MYO1B: variants seen among roughly 807,000 people sequenced by gnomAD.
The protein encoded by MYO1B is myosin IB, also known as unconventional myosin-Ib.
In MYO1B, 72 loss-of-function variants were observed where a neutral mutation model predicts 159.7. The ratio of observed to expected loss-of-function variants is 0.45; its 90% confidence interval spans 0.37 to 0.55. MYO1B has a LOEUF of 0.55. Among genes scored for constraint, MYO1B ranks in the 20% least tolerant of loss-of-function variants. The pLI is 0.00. For missense variants in MYO1B, 1,062 were observed against 1,364.8 expected, an observed-to-expected ratio of 0.78 and a Z score of 3.50; for synonymous variants, 468 against 473.8, an observed-to-expected ratio of 0.99 and a Z score of 0.16.
In MYO1B at chr2:191,400,790, T is replaced by A; in HGVS notation, c.2424T>A (p.Asn808Lys). Residue 808 changes from asparagine to lysine, a missense_variant, in exon 23 of 31, where the codon AAT becomes AAA. Physicochemically the swap from Asn to Lys is moderately conservative, Grantham distance 94 (BLOSUM62 0). Around this residue, in one of 5 missense-constraint regions of MYO1B, gnomAD observed 609 missense variants for 744.4 expected, o/e 0.82. Coordinates refer to ENST00000392318, the MANE Select transcript of MYO1B (RefSeq NM_001130158.3). Reference sequence around the variant, plus strand: ...GACGGCTGAAGGAGGAGGCTAGGAATAAACATGCTATTGCAGTTATTTGGG... The same window carrying A: ...GACGGCTGAAGGAGGAGGCTAGGAAAAAACATGCTATTGCAGTTATTTGGG... ...ELRRLKEEAR[N>K]KHAIAVIWAY... 6.2e-7 allele frequency: 1 copy of A among 1,614,056 alleles called. No individual in the cohort carries two copies. The highest frequency in any genetic ancestry group is 8.5e-7 in the Non-Finnish European group (1 of 1,179,896).
At chr2:191,418,764 C>G (rs1697742219) in intron 30 of MYO1B, among the ~76,000 whole-genome samples, 1 of 152,144 alleles carries the variant, frequency 6.6e-6, no homozygotes, top group Non-Finnish European at 1.5e-5. Flanking sequence ...GCTGGGATTA[C>G]AGGCGTGAGC....
intron 3 of MYO1B, among the ~76,000 whole-genome samples, chr2:191,311,042 C>G (rs925038725): frequency 2.0e-5 from 3 of 152,150 alleles, no homozygotes; most frequent in African/African-American, 7.2e-5. Flanking sequence ...TTTATTAACT[C>G]TTACGAAACC....
At chr2:191,297,448 G>A (rs1689051733) in intron 3 of MYO1B, among the ~76,000 whole-genome samples, 1 of 152,326 alleles carries the variant, frequency 6.6e-6, no homozygotes, top group South Asian at 2.1e-4. Context: ...ATGCAAAAGT[G>A]CCTTGGAAGG....
At chr2:191,325,982 C>T (rs1340888910) in intron 3 of MYO1B, among the ~76,000 whole-genome samples, 3 of 152,122 alleles carry the variant, frequency 2.0e-5, no homozygotes, top group African/African-American at 7.2e-5. Context: ...GGGAGATGGC[C>T]TTTAAACATC....
chr2:191,334,227 C>G (rs950918495), intron 4 of MYO1B, among the ~76,000 whole-genome samples: 2 of 151,820 alleles, frequency 1.3e-5, no homozygotes, highest in Non-Finnish European at 2.9e-5. Context: ...TTCATCTCCT[C>G]TGGAACATGT....
chr2:191,394,987 A>AGT (rs1695981689), intron 20 of MYO1B, among the ~76,000 whole-genome samples: 2 of 152,238 alleles, frequency 1.3e-5, no homozygotes, highest in Non-Finnish European at 2.9e-5. Flanking sequence ...GCCAGTGGTT[A>AGT]AACTCATTAT....
At chr2:191,401,672 T>C (rs1385492485) in intron 23 of MYO1B, 3 of 152,208 alleles carry the variant, frequency 2.0e-5, no homozygotes, top group East Asian at 3.8e-4. Context: ...GCCTATCTTA[T>C]GAGAAAATGA....
chr2:191,350,158 G>A lies in MYO1B; in HGVS notation c.499-4G>A. ...AGAAAACTCACAAAATCTTTCTTTG[G>A]CAGGGCAAATATATGGATATTGAAT... On this transcript the variant is annotated splice_polypyrimidine_tract_variant and splice_region_variant and intron_variant, in intron 6 of 30. Coordinates refer to ENST00000392318, the MANE Select transcript of MYO1B (RefSeq NM_001130158.3). 6.2e-7 allele frequency: 1 copy of A among 1,612,196 alleles called. No homozygotes were observed. Among genetic ancestry groups the A allele is most frequent in the Middle Eastern group, 1.7e-4 (1 of 6,052 alleles).
At chr2:191,395,491 A>G (rs1696016022) in intron 20 of MYO1B, among the ~76,000 whole-genome samples, 1 of 152,250 alleles carries the variant, frequency 6.6e-6, no homozygotes, top group Non-Finnish European at 1.5e-5. Flanking sequence ...CACTTCTAAC[A>G]TGAGGGATTC....
intron 30 of MYO1B, among the ~76,000 whole-genome samples, chr2:191,418,482 A>ATTTTTTTTTTTTTTTTT (rs1159016855): frequency 3.7e-5 from 3 of 81,044 alleles, no homozygotes; most frequent in Non-Finnish European, 6.6e-5. Context: ...TCTTTAGTGG[A>ATTTTTTTTTTTTTTTTT]TTTTTTTTTT....
intron 1 of MYO1B, among the ~76,000 whole-genome samples, chr2:191,274,409 C>T (rs921900253): frequency 6.6e-6 from 1 of 152,162 alleles, no homozygotes; most frequent in African/African-American, 2.4e-5. Flanking sequence ...TTATTGTTAC[C>T]TGCAGGGAAG....
At chr2:191,326,401 T>G (rs1691069792) in intron 3 of MYO1B, among the ~76,000 whole-genome samples, 1 of 152,144 alleles carries the variant, frequency 6.6e-6, no homozygotes, top group East Asian at 1.9e-4. Context: ...CTTGTTTTTT[T>G]AAAGAAATTG....
intron 1 of MYO1B, among the ~76,000 whole-genome samples, chr2:191,257,332 G>T (rs1686512997): frequency 6.6e-6 from 1 of 152,190 alleles, no homozygotes; most frequent in South Asian, 2.1e-4. Context: ...TGGCTGCAAG[G>T]AAGGGAAGAT....
intron 1 of MYO1B, among the ~76,000 whole-genome samples, chr2:191,273,789 A>G (rs1303684611): frequency 1.3e-5 from 2 of 152,234 alleles, no homozygotes; most frequent in Non-Finnish European, 2.9e-5. Flanking sequence ...CTCTACATAC[A>G]TTCTCATTTA....
chr2:191,303,703 GAA>G (rs71030332), intron 3 of MYO1B, among the ~76,000 whole-genome samples: 4 of 149,720 alleles, frequency 2.7e-5, no homozygotes, highest in African/African-American at 7.4e-5. Flanking sequence ...AAGCTTTCAT[GAA>G]AAAAAAAAAT....
At chr2:191,248,956 T>C (rs1685954578) in intron 1 of MYO1B, among the ~76,000 whole-genome samples, 4 of 152,242 alleles carry the variant, frequency 2.6e-5, no homozygotes, top group African/African-American at 9.6e-5. Flanking sequence ...CTCTTAGAAC[T>C]GTATTGCTAA....
intron 9 of MYO1B, 58 bp from the exon 10 acceptor site, chr2:191,363,670 A>G (rs1231113823): frequency 1.7e-5 from 26 of 1,536,592 alleles, no homozygotes; most frequent in Non-Finnish European, 2.2e-5. Context: ...GATTCATTAA[A>G]AAAGAAAAGA....
At chr2:191,343,151 G>T (rs559090273) in intron 5 of MYO1B, among the ~76,000 whole-genome samples, 1 of 152,258 alleles carries the variant, frequency 6.6e-6, no homozygotes, top group African/African-American at 2.4e-5. Context: ...TGTCCCCTAG[G>T]GAGTCAGAAC....
In MYO1B at chr2:191,414,510, G is replaced by A; in HGVS notation, c.3007-7G>A. On this transcript the variant is annotated splice_polypyrimidine_tract_variant and splice_region_variant and intron_variant, in intron 28 of 30. Transcript: ENST00000392318. Reference sequence around the variant, plus strand: ...TTGGTTTTATACTATTTTTTATTTTGATTTAGAGTACATCTCGGATTTTCC... The same window carrying A: ...TTGGTTTTATACTATTTTTTATTTTAATTTAGAGTACATCTCGGATTTTCC... 6.3e-7 allele frequency: 1 copy of A among 1,596,880 alleles called. No homozygotes were observed. The highest frequency in any genetic ancestry group is 8.5e-7 in the Non-Finnish European group (1 of 1,173,266).
Sources: gnomAD v4.1 joint callset for allele counts (sites outside exome capture counted in the v4.1 genomes callset) on GRCh38, gnomAD v4.1.1 for gene constraint, gnomAD v4.1.1 regional missense constraint, MANE v1.5 for transcripts, NCBI Gene and HGNC (gene_info 2026-07-23, HGNC 2026-07-21) for gene names.